The following ATP8A2 variants were observed in gnomAD, a reference collection of about 807,000 sequenced individuals.
ATP8A2 encodes the protein phospholipid-transporting ATPase IB.
In ATP8A2, 100 loss-of-function variants were observed where a neutral mutation model predicts 165.6. That is an observed-to-expected ratio of 0.60 (90% CI 0.51 to 0.71). The LOEUF is 0.71. Ranked by LOEUF, ATP8A2 falls within the 30% of genes least tolerant of loss-of-function variation. ATP8A2 has a pLI of 0.00. For missense variants in ATP8A2, 1,227 were observed against 1,479.5 expected (o/e 0.83, Z 2.80); for synonymous variants, 543 against 548.8 (o/e 0.99, Z 0.15).
At chr13:25,891,485 C>T (rs1953359008) in intron 33 of ATP8A2, among the ~76,000 whole-genome samples, 1 of 152,014 alleles carries the variant, frequency 6.6e-6, no homozygotes. Flanking sequence ...ATCATGCCCG[C>T]CTGATTTTTG....
intron 33 of ATP8A2, among the ~76,000 whole-genome samples, chr13:25,917,419 G>C (rs967527887): frequency 2.0e-5 from 3 of 152,214 alleles, no homozygotes; most frequent in Non-Finnish European, 4.4e-5. Context: ...TGATACAGTA[G>C]TAGTTGTTTT....
intron 22 of ATP8A2, among the ~76,000 whole-genome samples, chr13:25,581,082 T>G (rs1329587762): frequency 6.6e-6 from 1 of 152,192 alleles, no homozygotes; most frequent in Admixed American, 6.5e-5. Context: ...AAAAAGGTGA[T>G]TAAATAGGTG....
intron 24 of ATP8A2, among the ~76,000 whole-genome samples, chr13:25,619,966 G>A (rs1055714199): frequency 2.0e-5 from 3 of 152,170 alleles, no homozygotes; most frequent in African/African-American, 7.2e-5. Flanking sequence ...GAGGAGTCAC[G>A]AGAAAACCCA....
chr13:25,752,082 G>GCAGT (rs2044163684), intron 25 of ATP8A2, among the ~76,000 whole-genome samples: 1 of 151,816 alleles, frequency 6.6e-6, no homozygotes, highest in Non-Finnish European at 1.5e-5. Context: ...ATATATTGGT[G>GCAGT]CAGTCCTACG....
At chr13:25,510,773 T>TA (rs2037201403) in intron 2 of ATP8A2, among the ~76,000 whole-genome samples, 1 of 151,916 alleles carries the variant, frequency 6.6e-6, no homozygotes. Context: ...TTTCATGTTC[T>TA]AAAAAAAAGC....
intron 24 of ATP8A2, among the ~76,000 whole-genome samples, chr13:25,640,843 C>A (rs2137565076): frequency 6.6e-6 from 1 of 152,204 alleles, no homozygotes; most frequent in Middle Eastern, 3.4e-3. Flanking sequence ...AACATCAATG[C>A]AAAAATCCTC....
In ATP8A2 at chr13:26,020,083, A is replaced by T; in HGVS notation, c.*98A>T. ...AGAGAAGACTGGCGTCAGCAGCCAA[A>T]ACACCAGGAAACACATTTCTGTGGC... On this transcript the variant is annotated 3_prime_UTR_variant, in exon 37 of 37. Coordinates refer to ENST00000381655, the MANE Select transcript of ATP8A2 (RefSeq NM_016529.6). 1 of 812,154 alleles carries T rather than the reference A, an allele frequency of 1.2e-6. No individual in the cohort carries two copies. The highest frequency in any genetic ancestry group is 2.0e-6 in the Non-Finnish European group (1 of 491,770). 50.3% of individuals were successfully genotyped at this position (812,154 alleles called of 1,614,324 possible).
chr13:25,672,083 G>A (rs894898338), intron 24 of ATP8A2, among the ~76,000 whole-genome samples: 39 of 152,298 alleles, frequency 2.6e-4, no homozygotes, highest in African/African-American at 7.5e-4. Context: ...ATAGAGCAGC[G>A]TACTATTTTG....
Position 26,013,686 on chromosome 13 carries a change from A to AAG in ATP8A2, c.3469+1065_3469+1066insGA, listed in dbSNP as rs1555305140. On this transcript the variant is annotated intron_variant, in intron 36 of 36. Coordinates refer to ENST00000381655, the MANE Select transcript of ATP8A2 (RefSeq NM_016529.6). ...CGAAACTTGGTCTCAAAAAAAAAAA[A>AAG]AAAGAAAGAAAGAAAGAGACAGATT... is the stretch of plus-strand genomic sequence containing the variant. Among the ~76,000 whole-genome samples, 406 of 144,626 alleles carry AAG rather than the reference A, an allele frequency of 2.8e-3. 8 individuals carry two copies. The highest frequency in any genetic ancestry group is 0.023 in the Admixed American group (329 of 14,608). The allele number at this position is 144,626 out of a possible 152,430, so 94.9% of individuals were successfully genotyped here. A position where few individuals can be genotyped will look rare whatever the true frequency, so the allele number is the denominator to read the frequency against.
intron 33 of ATP8A2, among the ~76,000 whole-genome samples, chr13:25,870,681 T>C (rs1307233526): frequency 6.6e-6 from 1 of 152,084 alleles, no homozygotes; most frequent in Non-Finnish European, 1.5e-5. Flanking sequence ...CTGGAGTCGG[T>C]TGGACTCCAA....
intron 30 of ATP8A2, among the ~76,000 whole-genome samples, chr13:25,859,563 GAAA>G (rs71665615): frequency 7.7e-6 from 1 of 130,234 alleles, no homozygotes; most frequent in African/African-American, 2.8e-5. Context: ...TCCTTGAAAA[GAAA>G]AAAAAAAAAA....
chr13:25,859,189 G>A (rs987853775), intron 30 of ATP8A2, among the ~76,000 whole-genome samples: 4 of 151,850 alleles, frequency 2.6e-5, no homozygotes, highest in Admixed American at 2.0e-4. Context: ...GCGACAGACC[G>A]AGACTCTGTC....
chr13:25,536,278 AT>A (rs5802338), intron 6 of ATP8A2, among the ~76,000 whole-genome samples: 86,987 of 141,818 alleles, frequency 0.61, 27,067 homozygotes, highest in Middle Eastern at 0.72. Flanking sequence ...TGCCCGGTTA[AT>A]TTTTTTTTTT....
At chr13:25,424,721 G>GC (rs1330587258) in intron 1 of ATP8A2, among the ~76,000 whole-genome samples, 1 of 152,172 alleles carries the variant, frequency 6.6e-6, no homozygotes, top group Non-Finnish European at 1.5e-5. Flanking sequence ...ATTTTGGGAA[G>GC]CCCAGGTGGG....
At chr13:25,709,949 G>A (rs1383823794) in intron 25 of ATP8A2, among the ~76,000 whole-genome samples, 2 of 152,080 alleles carry the variant, frequency 1.3e-5, no homozygotes, top group South Asian at 2.1e-4. Context: ...TCATATTTGT[G>A]TTTCCTTTAT....
At chr13:25,908,588 G>C (rs1427229713) in intron 33 of ATP8A2, among the ~76,000 whole-genome samples, 2 of 151,952 alleles carry the variant, frequency 1.3e-5, no homozygotes, top group Non-Finnish European at 2.9e-5. Context: ...ACAAATTCCA[G>C]ACGCCCCATG....
intron 2 of ATP8A2, among the ~76,000 whole-genome samples, chr13:25,500,154 G>T (rs538861455): frequency 1.6e-4 from 24 of 152,240 alleles, no homozygotes; most frequent in Middle Eastern, 6.8e-3. Flanking sequence ...TTATCTTGAA[G>T]TATGATACAG....
chr13:25,568,123 C>T (rs943573161), intron 16 of ATP8A2, among the ~76,000 whole-genome samples: 1 of 152,040 alleles, frequency 6.6e-6, no homozygotes, highest in Non-Finnish European at 1.5e-5. Context: ...TTTCTGGTTG[C>T]TTTAGGACTG....
intron 24 of ATP8A2, among the ~76,000 whole-genome samples, chr13:25,686,545 T>C (rs1186346194): frequency 6.6e-6 from 1 of 152,156 alleles, no homozygotes; most frequent in Non-Finnish European, 1.5e-5. Context: ...AGTGGGAACA[T>C]GGGCTCAGAA....
Sources: gnomAD v4.1 joint callset for allele counts (sites outside exome capture counted in the v4.1 genomes callset) on GRCh38, gnomAD v4.1.1 for gene constraint, MANE v1.5 for transcripts, NCBI Gene and HGNC (gene_info 2026-07-23, HGNC 2026-07-21) for gene names.